The following UBR4 variants were observed in gnomAD, a reference collection of about 807,000 sequenced individuals.
The protein encoded by UBR4 is ubiquitin protein ligase E3 component n-recognin 4, also known as E3 ubiquitin-protein ligase UBR4.
UBR4 carries 124 observed loss-of-function variants against 575.6 expected under a neutral mutation model. The observed-to-expected ratio is 0.22, with a 90% confidence interval of 0.19 to 0.25. The LOEUF (loss-of-function observed/expected upper bound fraction) is 0.25. Ranked by LOEUF, UBR4 falls within the 10% of genes least tolerant of loss-of-function variation. The probability of loss-of-function intolerance (pLI) is 1.00; values close to 1 mark genes in which losing one functional copy is unlikely to be tolerated. For missense variants in UBR4, 4,818 were observed against 6,478.8 expected (o/e 0.74, Z 8.80); for synonymous variants, 2,455 against 2,473.7 (o/e 0.99, Z 0.22).
chr1:19,165,568 T>C, intron 30 of UBR4, 88 bp downstream of exon 30: 1 of 1,389,568 alleles, frequency 7.2e-7, no homozygotes, highest in African/African-American at 1.4e-5. Flanking sequence ...ATATTGCTGA[T>C]AATAAGTACC....
At chr1:19,104,484 A>G (rs558478466) in intron 86 of UBR4, 101 bp downstream of exon 86, 1 of 1,330,590 alleles carries the variant, frequency 7.5e-7, no homozygotes, top group South Asian at 1.3e-5. Flanking sequence ...CACTAAGGTC[A>G]GTACCAGAGA....
In UBR4 at chr1:19,077,742, CA is replaced by C. The variant is rs200477276; in HGVS notation, c.15324+233del. 1.0e-3 allele frequency: 1,456 copies of C among 1,440,488 alleles called. 39 individuals are homozygous for C. In the East Asian group the frequency reaches 0.035, roughly 34 times the overall value. The allele number at this position is 1,440,488 out of a possible 1,614,324, so 89.2% of individuals were successfully genotyped here. A position where few individuals can be genotyped will look rare whatever the true frequency, so the allele number is the denominator to read the frequency against. The stretch of plus-strand genomic sequence containing the variant: ...GAACAAAACTCCGTCTCAAAAAAAC[CA>C]AACCAAACCAAACCAAACAAAACCA... On this transcript the variant is annotated intron_variant, in intron 104 of 105. Transcript: ENST00000375254.
intron 30 of UBR4, 126 bp downstream of exon 30, chr1:19,165,530 A>T: frequency 8.8e-7 from 1 of 1,130,168 alleles, no homozygotes; most frequent in Non-Finnish European, 1.3e-6. Context: ...TTAACTCCCC[A>T]AAGTGCAGAC....
In UBR4 at chr1:19,139,240, T is replaced by C; in HGVS notation, c.8594-20A>G. 6.3e-7 allele frequency: 1 copy of C among 1,574,956 alleles called. No homozygotes were observed. Among genetic ancestry groups the C allele is most frequent in the South Asian group, 1.2e-5 (1 of 84,866 alleles). On this transcript the variant is annotated intron_variant, in intron 58 of 105. Transcript: ENST00000375254. This position sits in a 1 kb window ranked among gnomAD's most constrained non-coding sequence, Gnocchi z 4.2. ...CTGGAGCTGAGAGAGTAACGAGAGC[T>C]GTTACAGGTTAAAAAACAAACAAAC...
intron 64 of UBR4, 107 bp from the exon 65 acceptor site, chr1:19,124,797 G>A: frequency 6.9e-6 from 10 of 1,444,096 alleles, no homozygotes; most frequent in Non-Finnish European, 9.3e-6. Context: ...AGGTGGTAAA[G>A]GGTGCCTTTC....
Position 19,169,493 on chromosome 1 carries a change from G to C in UBR4, c.3683C>G (p.Thr1228Ser). ...LVQNLPSSVQ[T>S]VCESWNNINT... ...GATGTTGTTCCAGGACTCACACACA[G>C]TCTGCACTGACGATGGCAAATTCTG... The change falls in exon 27 of 106, where the codon ACT becomes AGT. Residue 1228 changes from threonine to serine, a missense_variant. Thr to Ser is a moderately conservative substitution (Grantham distance 58, BLOSUM62 1). Transcript: ENST00000375254. 1 of 1,613,988 alleles carries C rather than the reference G, an allele frequency of 6.2e-7. No homozygotes were observed. Among genetic ancestry groups the C allele is most frequent in the Non-Finnish European group, 8.5e-7 (1 of 1,179,974 alleles).
At chr1:19,196,913 C>A (rs1176231634) in intron 8 of UBR4, among the ~76,000 whole-genome samples, 1 of 152,168 alleles carries the variant, frequency 6.6e-6, no homozygotes, top group Non-Finnish European at 1.5e-5. Context: ...AGTATCTGCA[C>A]ATACTATAAA....
intron 60 of UBR4, among the ~76,000 whole-genome samples, chr1:19,134,871 A>G (rs1334121829): frequency 1.3e-5 from 2 of 152,178 alleles, no homozygotes; most frequent in South Asian, 2.1e-4. Flanking sequence ...CTAGGAGCCT[A>G]TAAGGAAAAC....
chr1:19,161,307 T>C (rs760678135), intron 37 of UBR4, among the ~76,000 whole-genome samples, 160 bp from the exon 38 acceptor site: 18 of 152,248 alleles, frequency 1.2e-4, no homozygotes, highest in Non-Finnish European at 2.6e-4. Flanking sequence ...ATTCACCTAA[T>C]ATCTAACTTC....
intron 66 of UBR4, 76 bp from the exon 67 acceptor site, chr1:19,122,088 A>G: frequency 1.4e-6 from 2 of 1,458,678 alleles, no homozygotes; most frequent in Non-Finnish European, 1.9e-6. Flanking sequence ...TGCTGCCTGG[A>G]GCCATCTCCC....
rs377272045 is a variant in UBR4, at chr1:19,081,376, C to A, written c.15206G>T (p.Arg5069Leu). The change falls in exon 103 of 106, where the codon CGG becomes CTG. Residue 5069 changes from arginine (R) to leucine (L), a missense_variant. Physicochemically the swap from Arg to Leu is moderately radical, Grantham distance 102. Around this residue, in one of 29 missense-constraint regions of UBR4, gnomAD observed 212 missense variants for 221.3 expected, o/e 0.96. Transcript: ENST00000375254. ...GGTGGCTCCACCTGGAGCCACTGCC[C>A]GAGCCTGCGAGGTCACCAACAGCCT... The part of the protein sequence containing the change: ...LRRLLVTSQA[R>L]AVAPGGATRL... 7 of 1,609,044 alleles carry A rather than the reference C, an allele frequency of 4.4e-6. No homozygotes were observed. In the African/African-American group the frequency reaches 5.4e-5, roughly 12 times the overall value.
chr1:19,074,994 G>A, intron 105 of UBR4, 98 bp from the exon 106 acceptor site: 1 of 1,313,218 alleles, frequency 7.6e-7, no homozygotes, highest in South Asian at 1.2e-5. Flanking sequence ...ACACACTGCG[G>A]TCCGACAAGC....
Position 19,145,866 on chromosome 1 carries a change from C to T in UBR4, c.7872G>A (p.Gln2624=), listed in dbSNP as rs768156123. The change falls in exon 53 of 106, where the codon CAG becomes CAA. Residue 2624 remains glutamine, a synonymous_variant. Coordinates refer to ENST00000375254, the MANE Select transcript of UBR4 (RefSeq NM_020765.3). ...GGAGTTTCCAGAAGTGGTTCACAAG[C>T]TGGGTGATGAAACTACAGCAATCTC... ...LEGDCCSFIT[Q]LVNHFWKLHA... is the part of the protein sequence containing the mutation. 3 of 1,614,186 alleles carry T rather than the reference C, an allele frequency of 1.9e-6. No individual in the cohort carries two copies. In the Admixed American group the frequency reaches 5.0e-5, roughly 27 times the overall value.
chr1:19,119,488 A>G (rs1016838400), intron 70 of UBR4, 69 bp downstream of exon 70: 2 of 1,572,078 alleles, frequency 1.3e-6, no homozygotes, highest in African/African-American at 1.4e-5. Flanking sequence ...TGTTCATAAT[A>G]TTCTTAACTC....
intron 11 of UBR4, among the ~76,000 whole-genome samples, chr1:19,189,792 C>G (rs562014688): frequency 1.3e-5 from 2 of 152,282 alleles, no homozygotes; most frequent in South Asian, 2.1e-4. Flanking sequence ...CTTTACAATG[C>G]CAAGAATGAA....
At chr1:19,170,717 T>C in intron 26 of UBR4, 45 bp downstream of exon 26, 1 of 1,613,682 alleles carries the variant, frequency 6.2e-7, no homozygotes, top group Non-Finnish European at 8.5e-7. Flanking sequence ...CTAGCAGTAG[T>C]AGCTGTTGTA....
chr1:19,112,287 T>A (rs1237072217), intron 78 of UBR4: 1 of 478,362 alleles, frequency 2.1e-6, no homozygotes, highest in Non-Finnish European at 3.7e-6. Flanking sequence ...CTCAAGACAC[T>A]GTACTGGAAC....
chr1:19,179,352 T>C (rs1486850437), intron 17 of UBR4, 132 bp from the exon 18 acceptor site: 1 of 1,017,890 alleles, frequency 9.8e-7, no homozygotes, highest in Non-Finnish European at 1.3e-6. Context: ...ACCCAGAAAT[T>C]CAGATTTTGG....
intron 81 of UBR4, among the ~76,000 whole-genome samples, chr1:19,107,235 T>C (rs2079314361): frequency 6.6e-6 from 1 of 152,118 alleles, no homozygotes; most frequent in African/African-American, 2.4e-5. Context: ...CTATAGCACT[T>C]ACACTAATTC....
Sources: gnomAD v4.1 joint callset for allele counts (sites outside exome capture counted in the v4.1 genomes callset) on GRCh38, gnomAD v4.1.1 for gene constraint, gnomAD v4.1.1 regional missense constraint, Gnocchi (gnomAD v3.1) non-coding constraint, MANE v1.5 for transcripts, NCBI Gene and HGNC (gene_info 2026-07-23, HGNC 2026-07-21) for gene names.